MEGF11: variants seen among roughly 807,000 people sequenced by gnomAD.
MEGF11 encodes the protein multiple epidermal growth factor-like domains protein 11.
MEGF11 carries 126 observed loss-of-function variants against 146.6 expected under a neutral mutation model. That is an observed-to-expected ratio of 0.86 (90% CI 0.74 to 1.00). The LOEUF is 1.00. MEGF11 is among the 50% of genes least tolerant of loss of function. MEGF11 has a pLI of 0.00. For missense variants in MEGF11, 1,509 were observed against 1,521.2 expected, an observed-to-expected ratio of 0.99 and a Z score of 0.13; for synonymous variants, 532 against 583.4, an observed-to-expected ratio of 0.91 and a Z score of 1.27.
At chr15:65,970,383 G>T (rs1333121243) in intron 8 of MEGF11, among the ~76,000 whole-genome samples, 170 bp downstream of exon 8, 2 of 152,176 alleles carry the variant, frequency 1.3e-5, no homozygotes, top group Non-Finnish European at 2.9e-5. Context: ...TCTGCAGGCC[G>T]AGGGTGAGGA....
intron 10 of MEGF11, among the ~76,000 whole-genome samples, chr15:65,941,506 A>T (rs1469235138): frequency 6.6e-6 from 1 of 151,706 alleles, no homozygotes; most frequent in Non-Finnish European, 1.5e-5. Flanking sequence ...GGTGTTTTAG[A>T]TCAAGTTGAG....
chr15:66,125,038 C>T (rs367936960), intron 2 of MEGF11, among the ~76,000 whole-genome samples: 7 of 152,356 alleles, frequency 4.6e-5, no homozygotes, highest in Admixed American at 6.5e-5. Flanking sequence ...GCATTGGTTA[C>T]CTTGCAAGGG....
chr15:66,052,170 G>C (rs1209775477), intron 5 of MEGF11, among the ~76,000 whole-genome samples: 2 of 152,152 alleles, frequency 1.3e-5, no homozygotes, highest in Admixed American at 1.3e-4. Context: ...CTTAATCAGA[G>C]CAAAGTAATT....
chr15:65,912,669 C>A (rs796783673), intron 20 of MEGF11, among the ~76,000 whole-genome samples: 13 of 152,304 alleles, frequency 8.5e-5, no homozygotes, highest in African/African-American at 3.1e-4. Flanking sequence ...GCATAGGAAA[C>A]CCTAGCCAGC....
intron 5 of MEGF11, among the ~76,000 whole-genome samples, chr15:65,984,525 CAAAAAAAAAAA>C (rs35017296): frequency 1.1e-3 from 52 of 49,520 alleles, no homozygotes; most frequent in Non-Finnish European, 1.3e-3. Context: ...GACTCCGTGT[CAAAAAAAAAAA>C]AAAAAAAAAA....
chr15:66,096,514 G>T (rs1184102227), intron 4 of MEGF11, among the ~76,000 whole-genome samples: 1 of 143,188 alleles, frequency 7.0e-6, no homozygotes, highest in African/African-American at 2.6e-5. Flanking sequence ...CCAAGGCTGT[G>T]GGGACTTCAC....
chr15:66,127,474 G>T (rs867215451), intron 2 of MEGF11, among the ~76,000 whole-genome samples: 7 of 152,330 alleles, frequency 4.6e-5, no homozygotes, highest in African/African-American at 1.4e-4. Flanking sequence ...TGGGCATGAA[G>T]CACGGACCCC....
intron 19 of MEGF11, 87 bp downstream of exon 19, chr15:65,915,383 C>T: frequency 1.3e-6 from 2 of 1,510,942 alleles, no homozygotes; most frequent in African/African-American, 2.8e-5. Context: ...GAAGTATCAT[C>T]AAATCCAGCT....
chr15:66,122,706 A>G (rs1185944204), intron 3 of MEGF11, among the ~76,000 whole-genome samples: 1 of 152,230 alleles, frequency 6.6e-6, no homozygotes, highest in Non-Finnish European at 1.5e-5. Flanking sequence ...TTTTCAAAGT[A>G]ATTTTCACAC....
chr15:65,982,165 C>T lies in MEGF11; in HGVS notation c.641+77G>A. On this transcript the variant is annotated intron_variant, in intron 6 of 25. Transcript: ENST00000395614. This position sits in a 1 kb window ranked among gnomAD's most constrained non-coding sequence, Gnocchi z 5.6. Reference sequence around the variant, plus strand: ...CCCCGCCCCAGCCCCTCCACCTCCTCTACCCTCCCCACCCAGGCACCCTCC... The same window carrying T: ...CCCCGCCCCAGCCCCTCCACCTCCTTTACCCTCCCCACCCAGGCACCCTCC... 2.2e-6 allele frequency: 3 copies of T among 1,380,614 alleles called. No individual in the cohort carries two copies. Among genetic ancestry groups the T allele is most frequent in the Non-Finnish European group, 9.6e-7 (1 of 1,040,416 alleles). 85.5% of individuals were successfully genotyped at this position (1,380,614 alleles called of 1,614,324 possible). A position where few individuals can be genotyped will look rare whatever the true frequency, so the allele number is the denominator to read the frequency against.
At chr15:66,129,271 T>C (rs903052449) in intron 1 of MEGF11, among the ~76,000 whole-genome samples, 8 of 152,226 alleles carry the variant, frequency 5.3e-5, no homozygotes, top group African/African-American at 1.9e-4. Flanking sequence ...ACTCCAGGAC[T>C]CTGTGGTCCT....
intron 8 of MEGF11, among the ~76,000 whole-genome samples, chr15:65,969,248 G>T (rs1438807735): frequency 1.3e-5 from 2 of 152,218 alleles, no homozygotes; most frequent in Non-Finnish European, 2.9e-5. Context: ...CCAACAACAA[G>T]CGGGCGGTTT....
At chr15:66,078,769 C>T (rs1476235503) in intron 5 of MEGF11, among the ~76,000 whole-genome samples, 1 of 152,240 alleles carries the variant, frequency 6.6e-6, no homozygotes, top group Admixed American at 6.5e-5. Context: ...GGGCTCCCGC[C>T]ACTCTATTCT....
chr15:66,041,018 C>T (rs1271439816), intron 5 of MEGF11, among the ~76,000 whole-genome samples: 2 of 151,660 alleles, frequency 1.3e-5, no homozygotes, highest in African/African-American at 4.9e-5. Flanking sequence ...TCTCTCAGTA[C>T]ATGTTTGGTG....
At chr15:66,176,273 G>A (rs1219265722) in intron 1 of MEGF11, among the ~76,000 whole-genome samples, 2 of 152,154 alleles carry the variant, frequency 1.3e-5, no homozygotes, top group Non-Finnish European at 2.9e-5. Context: ...ACTAAAAATA[G>A]CACTACCATA....
chr15:65,963,747 G>A (rs935885357), intron 9 of MEGF11, among the ~76,000 whole-genome samples: 12 of 152,166 alleles, frequency 7.9e-5, no homozygotes, highest in African/African-American at 2.2e-4. Context: ...TCTCTTTCCC[G>A]GGCCTTCCAC....
intron 1 of MEGF11, among the ~76,000 whole-genome samples, chr15:66,205,376 T>G (rs1185175011): frequency 1.3e-5 from 2 of 152,068 alleles, no homozygotes; most frequent in African/African-American, 4.8e-5. Context: ...CCCAGGAATT[T>G]GAGGTTACAA....
At chr15:66,027,868 C>T (rs151232231) in intron 5 of MEGF11, among the ~76,000 whole-genome samples, 366 of 152,274 alleles carry the variant, frequency 2.4e-3, no homozygotes, top group African/African-American at 8.1e-3. Flanking sequence ...TAAGCTGTGA[C>T]CAAATGTGAG....
intron 10 of MEGF11, among the ~76,000 whole-genome samples, chr15:65,937,569 A>G (rs1308386553): frequency 6.6e-6 from 1 of 152,228 alleles, no homozygotes; most frequent in South Asian, 2.1e-4. Flanking sequence ...TTCTCCGCCT[A>G]CAAAGCCCTC....
Sources: gnomAD v4.1 joint callset for allele counts (sites outside exome capture counted in the v4.1 genomes callset) on GRCh38, gnomAD v4.1.1 for gene constraint, Gnocchi (gnomAD v3.1) non-coding constraint, MANE v1.5 for transcripts, NCBI Gene and HGNC (gene_info 2026-07-23, HGNC 2026-07-21) for gene names.